The following MGAM variants were observed in gnomAD, a reference collection of about 807,000 sequenced individuals.
MGAM encodes alpha-1,4-glucosidase.
A neutral mutation model predicts 358.8 loss-of-function variants in MGAM; 253 were observed. That is an observed-to-expected ratio of 0.71 (90% CI 0.64 to 0.78). The LOEUF (loss-of-function observed/expected upper bound fraction) is 0.78. Ranked by LOEUF, MGAM falls within the 30% of genes least tolerant of loss-of-function variation. The pLI is 0.00. For missense variants in MGAM, 3,080 were observed against 3,432.6 expected, an observed-to-expected ratio of 0.90 and a Z score of 2.57; for synonymous variants, 1,105 against 1,227.1, an observed-to-expected ratio of 0.90 and a Z score of 2.08.
chr7:142,017,558 T>C (rs1022753773), intron 3 of MGAM, among the ~76,000 whole-genome samples: 10 of 152,212 alleles, frequency 6.6e-5, no homozygotes, highest in African/African-American at 2.4e-4. Flanking sequence ...GGAAAAATTA[T>C]TAAACTCTGG....
chr7:142,055,131 A>G (rs1418074867), intron 27 of MGAM, among the ~76,000 whole-genome samples: 1 of 152,180 alleles, frequency 6.6e-6, no homozygotes. Context: ...ACAAATGTTT[A>G]TGGGGTGCCT....
intron 65 of MGAM, 130 bp from the exon 66 acceptor site, chr7:142,097,463 G>T (rs1816027631): frequency 2.4e-6 from 2 of 819,498 alleles, no homozygotes; most frequent in Non-Finnish European, 4.1e-6. Flanking sequence ...TCCTCAATAG[G>T]TGACCTCCTG....
In MGAM at chr7:142,027,213, C is replaced by T; in HGVS notation, c.1081C>T (p.Gln361Ter). 6.2e-7 allele frequency: 1 copy of T among 1,610,312 alleles called. No homozygotes were observed. Among genetic ancestry groups the T allele is most frequent in the Non-Finnish European group, 8.5e-7 (1 of 1,176,694 alleles). The stretch of plus-strand genomic sequence containing the variant: ...GGGAAACACTCCAGAGCAAGTTGTT[C>T]AAGAATATCTAGAGGTAAACTTAGG... Reference protein sequence around the residue: ...FLGNTPEQVVQEYLELIGRPA... With the variant: ...FLGNTPEQVV The change falls in exon 9 of 71, where the codon CAA (glutamine) becomes TAA (stop). Residue 361 changes from glutamine (Q) to a stop codon, truncating the protein, a stop_gained. Coordinates refer to ENST00000475668, the MANE Select transcript of MGAM (RefSeq NM_001365693.1). LOFTEE classifies it high-confidence loss of function.
intron 10 of MGAM, among the ~76,000 whole-genome samples, chr7:142,028,835 A>G (rs4607527): frequency 0.24 from 36,182 of 149,034 alleles, 4,908 homozygotes; most frequent in African/African-American, 0.37. Context: ...TTCACTCTCA[A>G]TTTGGCTGCG....
At chr7:142,033,164 A>G (rs1027883674) in intron 14 of MGAM, among the ~76,000 whole-genome samples, 1 of 152,198 alleles carries the variant, frequency 6.6e-6, no homozygotes, top group East Asian at 1.9e-4. Context: ...GAAGATCTAG[A>G]GAGGATAAAG....
chr7:142,106,592 G>A lies in MGAM; in HGVS notation c.*701G>A, dbSNP rs1183238119. 1 of 152,208 alleles carries A rather than the reference G, an allele frequency of 6.6e-6. No homozygotes were observed. The highest frequency in any genetic ancestry group is 1.5e-5 in the Non-Finnish European group (1 of 68,030). The allele number at this position is 152,208 out of a possible 1,614,324, so 9.4% of individuals were successfully genotyped here. On this transcript the variant is annotated 3_prime_UTR_variant, in exon 71 of 71. Coordinates refer to ENST00000475668, the MANE Select transcript of MGAM (RefSeq NM_001365693.1). Reference sequence around the variant, plus strand: ...TGAGATTGAGATCTGAGCAGGCAAAGCTCAAAAGAGAGTTTGGAGGTTAAA... The same window carrying A: ...TGAGATTGAGATCTGAGCAGGCAAAACTCAAAAGAGAGTTTGGAGGTTAAA...
chr7:142,070,426 T>C lies in MGAM; in HGVS notation c.5062-568T>C, dbSNP rs1200129458. Among the ~76,000 whole-genome samples the C allele has an allele frequency of 2.1e-5, 3 of 146,142 alleles. 1 individual carries two copies. The highest frequency in any genetic ancestry group is 3.1e-5 in the Non-Finnish European group (2 of 64,582). On this transcript the variant is annotated intron_variant, in intron 43 of 70. Transcript: ENST00000475668. ...AACACAGCCATGCATATTTGTTTGC[T>C]TGTTGTCAACAATAACTGCTTCTTA...
intron 2 of MGAM, among the ~76,000 whole-genome samples, chr7:141,987,101 C>T (rs533413202): frequency 6.6e-6 from 1 of 152,264 alleles, no homozygotes; most frequent in South Asian, 2.1e-4. Flanking sequence ...CATTTTGTCA[C>T]ATGGCACAGA....
intron 3 of MGAM, among the ~76,000 whole-genome samples, chr7:142,010,787 T>C (rs1216326714): frequency 2.6e-5 from 4 of 152,196 alleles, no homozygotes; most frequent in Non-Finnish European, 4.4e-5. Flanking sequence ...TGTGCCTCTA[T>C]AGGTTCACTT....
intron 49 of MGAM, among the ~76,000 whole-genome samples, chr7:142,080,431 G>T (rs750593444): frequency 2.7e-5 from 4 of 146,280 alleles, no homozygotes; most frequent in Admixed American, 2.1e-4. Context: ...ACTTTGGGGA[G>T]ACACGTTATT....
At chr7:142,096,060 C>G (rs1815877163) in intron 64 of MGAM, 1 of 596,468 alleles carries the variant, frequency 1.7e-6, no homozygotes, top group South Asian at 2.1e-5. Flanking sequence ...AAAGGGCCAT[C>G]CTTGCATTTG....
In MGAM at chr7:142,095,740, C is replaced by A. The variant is rs553715147; in HGVS notation, c.7607+27C>A. 2.4e-5 allele frequency: 38 copies of A among 1,561,194 alleles called. No individual in the cohort carries two copies. In the African/African-American group the frequency reaches 2.7e-4, roughly 11 times the overall value. ...TGAGTGTCCAGCAGGGATCCCAATG[C>A]CTAATGGATGACTTATTGCATTCTA... On this transcript the variant is annotated intron_variant, in intron 64 of 70. Transcript: ENST00000475668.
rs1321140835 is a variant in MGAM at position 142,021,501 on chromosome 7, C to G, written c.559-85C>G. The G allele has an allele frequency of 3.7e-6, 5 of 1,355,638 alleles. No homozygotes were observed. The Admixed American group carries it at 1.1e-4, about 29-fold the overall frequency. The allele number at this position is 1,355,638 out of a possible 1,614,324, so 84.0% of individuals were successfully genotyped here. A position where few individuals can be genotyped will look rare whatever the true frequency, so the allele number is the denominator to read the frequency against. ...GATATGAGGTCAGTTTGATCAGTGC[C>G]TGATTCCAGTATCCTAAGTAGGGAT... On this transcript the variant is annotated intron_variant, in intron 5 of 70. Coordinates refer to ENST00000475668, the MANE Select transcript of MGAM (RefSeq NM_001365693.1).
chr7:142,084,069 A>G (rs1814559186), intron 53 of MGAM, among the ~76,000 whole-genome samples: 2 of 146,366 alleles, frequency 1.4e-5, no homozygotes, highest in South Asian at 2.2e-4. Context: ...TACTTGCTGC[A>G]TGTTAGAGCA....
chr7:142,063,083 A>T (rs112104265), intron 35 of MGAM, among the ~76,000 whole-genome samples: 1,831 of 152,270 alleles, frequency 0.012, 39 homozygotes, highest in African/African-American at 0.042. Flanking sequence ...CTATAATCCC[A>T]GCTATTTGGG....
chr7:142,019,406 C>T (rs184890060), intron 4 of MGAM, 87 bp downstream of exon 4: 393 of 1,406,844 alleles, frequency 2.8e-4, no homozygotes, highest in Non-Finnish European at 3.6e-4. Flanking sequence ...CAGAGTTCTG[C>T]TCTGTGGGGC....
chr7:142,039,891 A>T (rs545751654), intron 19 of MGAM, among the ~76,000 whole-genome samples: 1 of 152,112 alleles, frequency 6.6e-6, no homozygotes, highest in African/African-American at 2.4e-5. Context: ...CACATGTTTT[A>T]TTATTATTTT....
intron 43 of MGAM, among the ~76,000 whole-genome samples, chr7:142,069,109 GT>G (rs1296989841): frequency 1.4e-5 from 2 of 146,156 alleles, no homozygotes; most frequent in African/African-American, 4.9e-5. Context: ...CATAGAGGCC[GT>G]TTTGTCTCTT....
chr7:142,094,218 G>T, intron 60 of MGAM, 146 bp from the exon 61 acceptor site: 1 of 1,004,470 alleles, frequency 1.0e-6, no homozygotes, highest in Non-Finnish European at 1.5e-6. Context: ...TGGGATCAGT[G>T]GAGCCCCCAT....
Sources: allele counts gnomAD v4.1 joint callset (sites outside exome capture counted in the v4.1 genomes callset), GRCh38; gene constraint gnomAD v4.1.1; transcripts MANE v1.5; gene names NCBI Gene and HGNC (gene_info 2026-07-23, HGNC 2026-07-21).